Variants in SAMD12 observed in about 807,000 individuals in gnomAD.
SAMD12 encodes the protein sterile alpha motif domain containing 12, also known as sterile alpha motif domain-containing protein 12.
In SAMD12, 9 loss-of-function variants were observed where a neutral mutation model predicts 15.0. The ratio of observed to expected loss-of-function variants is 0.60; its 90% CI spans 0.36 to 1.05. The LOEUF (loss-of-function observed/expected upper bound fraction) is 1.05, where lower values mean the gene tolerates loss of function less well. Ranked by LOEUF, SAMD12 falls within the 50% of genes least tolerant of loss-of-function variation. SAMD12 has a pLI of 0.01. For synonymous variants in SAMD12, 86 were observed against 90.1 expected, an observed-to-expected ratio of 0.96 and a Z score of 0.25; for missense variants, 230 against 234.2, an observed-to-expected ratio of 0.98 and a Z score of 0.12.
chr8:118,563,591 C>T (rs1305622368), intron 2 of SAMD12, among the ~76,000 whole-genome samples: 1 of 152,070 alleles, frequency 6.6e-6, no homozygotes, highest in Non-Finnish European at 1.5e-5. Flanking sequence ...AAAGCATTTC[C>T]CTCATAAATA....
rs1241835656 is a variant in SAMD12 at position 118,439,843 on chromosome 8, T to C, written c.311A>G (p.His104Arg). 1 of 1,613,408 alleles carries C rather than the reference T, an allele frequency of 6.2e-7. No individual in the cohort carries two copies. Among genetic ancestry groups the C allele is most frequent in the African/African-American group, 1.3e-5 (1 of 74,916 alleles). The change falls in exon 3 of 4, where the codon CAT becomes CGT. Residue 104 changes from histidine (H) to arginine (R), a missense_variant. Coordinates refer to ENST00000314727, the MANE Select transcript of SAMD12 (RefSeq NM_207506.3). ...ACTGCATACTTTACCAGTTATGTCA[T>C]GCTGTTTGAATGACTCACTGTAGAT... ...YQIYSESFKQ[H>R]DITGRALLRL...
intron 1 of SAMD12, among the ~76,000 whole-genome samples, chr8:118,616,693 C>T (rs1053378728): frequency 6.6e-6 from 1 of 152,208 alleles, no homozygotes; most frequent in Non-Finnish European, 1.5e-5. Flanking sequence ...TCTCTCTGCT[C>T]TCCAGCTGCC....
At chr8:118,475,951 G>A (rs1281765763) in intron 2 of SAMD12, among the ~76,000 whole-genome samples, 1 of 152,188 alleles carries the variant, frequency 6.6e-6, no homozygotes, top group African/African-American at 2.4e-5. Context: ...GATAGGTAGA[G>A]GCAATGTCAG....
chr8:118,422,331 A>C (rs6983889), intron 3 of SAMD12, among the ~76,000 whole-genome samples: 103 of 152,360 alleles, frequency 6.8e-4, no homozygotes, highest in African/African-American at 2.4e-3. Flanking sequence ...ATATCGTGAT[A>C]AATGTTATAA....
chr8:118,426,453 C>T (rs945522201), intron 3 of SAMD12, among the ~76,000 whole-genome samples: 1 of 152,136 alleles, frequency 6.6e-6, no homozygotes, highest in African/African-American at 2.4e-5. Flanking sequence ...ATGTACTGGA[C>T]AGAACTACAG....
chr8:118,506,150 A>G (rs926072056), intron 2 of SAMD12, among the ~76,000 whole-genome samples: 3 of 152,208 alleles, frequency 2.0e-5, no homozygotes, highest in Non-Finnish European at 4.4e-5. Flanking sequence ...CACTGACATG[A>G]AAGAGACCAG....
intron 4 of SAMD12, among the ~76,000 whole-genome samples, chr8:118,217,139 G>A (rs1428544856): frequency 6.6e-6 from 1 of 152,170 alleles, no homozygotes; most frequent in East Asian, 1.9e-4. Context: ...AAGTAGCTGG[G>A]ACTACAGATG....
Position 118,482,814 on chromosome 8 carries a change from G to C in SAMD12, c.193-42853C>G, listed in dbSNP as rs79509914. ...CGAAGAGGTCACCTCACCCTATAATGAGGACATTCGGATGCTTTTGCAATA... is the reference window on the plus strand; with the variant it reads ...CGAAGAGGTCACCTCACCCTATAATCAGGACATTCGGATGCTTTTGCAATA... On this transcript the variant is annotated intron_variant, in intron 2 of 3. Coordinates refer to ENST00000314727, the MANE Select transcript of SAMD12 (RefSeq NM_207506.3). Among the ~76,000 whole-genome samples, 89 of 152,288 alleles carry C rather than the reference G, an allele frequency of 5.8e-4. No homozygotes were observed. The East Asian group carries it at 0.014, about 24-fold the overall frequency.
chr8:118,592,127 G>A (rs1284679114), intron 1 of SAMD12, among the ~76,000 whole-genome samples: 1 of 152,126 alleles, frequency 6.6e-6, no homozygotes, highest in Non-Finnish European at 1.5e-5. Flanking sequence ...TTCGAGACCA[G>A]CCTGACCAAC....
intron 1 of SAMD12, among the ~76,000 whole-genome samples, chr8:118,603,342 C>T (rs1047960356): frequency 2.6e-5 from 4 of 152,100 alleles, no homozygotes; most frequent in Non-Finnish European, 5.9e-5. Flanking sequence ...AATTTCTGAA[C>T]ACTCAGACTG....
intron 4 of SAMD12, among the ~76,000 whole-genome samples, chr8:118,369,486 CTGG>C (rs1295583091): frequency 5.9e-5 from 9 of 152,098 alleles, no homozygotes; most frequent in Non-Finnish European, 1.3e-4. Context: ...GAAGCTGAGG[CTGG>C]TGGATTGCCT....
intron 3 of SAMD12, among the ~76,000 whole-genome samples, chr8:118,409,622 G>A (rs1485384716): frequency 1.3e-5 from 2 of 152,106 alleles, no homozygotes; most frequent in Non-Finnish European, 2.9e-5. Context: ...TCCCAAGAGA[G>A]GTGATAAATC....
chr8:118,226,852 T>C (rs984958581), intron 4 of SAMD12, among the ~76,000 whole-genome samples: 2 of 152,040 alleles, frequency 1.3e-5, no homozygotes, highest in Admixed American at 1.3e-4. Flanking sequence ...AAGAACATGG[T>C]AGCTTTGGAT....
chr8:118,589,324 T>C (rs777329385), intron 1 of SAMD12, among the ~76,000 whole-genome samples: 9 of 152,182 alleles, frequency 5.9e-5, no homozygotes, highest in Non-Finnish European at 8.8e-5. Context: ...TGTAAGGACA[T>C]GGTCTTCTCT....
At chr8:118,138,160 G>C in the SAMD12 span, among the ~76,000 whole-genome samples, 128 of 152,136 alleles carry the variant, frequency 8.4e-4, no homozygotes, top group African/African-American at 3.0e-3. Flanking sequence ...ACAGTGATAA[G>C]AACATGGGTC....
At chr8:118,500,756 A>C (rs1434020880) in intron 2 of SAMD12, among the ~76,000 whole-genome samples, 1 of 152,184 alleles carries the variant, frequency 6.6e-6, no homozygotes, top group East Asian at 1.9e-4. Context: ...CAGTGAGCTG[A>C]GATTGCACCA....
intron 1 of SAMD12, among the ~76,000 whole-genome samples, chr8:118,609,531 A>C (rs1191372405): frequency 6.6e-6 from 1 of 152,126 alleles, no homozygotes; most frequent in Admixed American, 6.5e-5. Flanking sequence ...TTTGGATTTT[A>C]TTTTATTGGC....
chr8:118,142,214 C>T, the SAMD12 span, among the ~76,000 whole-genome samples: 2 of 152,180 alleles, frequency 1.3e-5, no homozygotes, highest in African/African-American at 4.8e-5. Flanking sequence ...ATGTTAGAAG[C>T]AGACTCTCAC....
the SAMD12 span, among the ~76,000 whole-genome samples, chr8:118,136,749 G>A: frequency 0.026 from 3,910 of 152,306 alleles, 71 homozygotes; most frequent in Non-Finnish European, 0.037. Flanking sequence ...AACCAGGGTA[G>A]GGGAGTCACT....
Sources: gnomAD v4.1 joint callset for allele counts (sites outside exome capture counted in the v4.1 genomes callset) on GRCh38, gnomAD v4.1.1 for gene constraint, MANE v1.5 for transcripts, NCBI Gene and HGNC (gene_info 2026-07-23, HGNC 2026-07-21) for gene names.